Variants in TMEM132B observed in about 807,000 individuals in gnomAD.
TMEM132B encodes the protein transmembrane protein 132B.
In TMEM132B, 18 loss-of-function variants were observed where a neutral mutation model predicts 90.8. The ratio of observed to expected loss-of-function variants is 0.20; its 90% CI spans 0.14 to 0.29. TMEM132B has a LOEUF of 0.29. Ranked by LOEUF, TMEM132B falls within the 10% of genes least tolerant of loss-of-function variation. TMEM132B has a pLI of 1.00. For missense variants in TMEM132B, 1,096 were observed against 1,326.8 expected (o/e 0.83, Z 2.70); for synonymous variants, 504 against 523.3 (o/e 0.96, Z 0.50).
rs1957763708 is a variant in TMEM132B at position 125,186,951 on chromosome 12, C to T, written c.67+85C>T. ...GGGCGGCTACCTCCTTCTCAAGTCCCTGGCAGCGCGCATCTCCCGGACTTG... is the reference window on the plus strand; with the variant it reads ...GGGCGGCTACCTCCTTCTCAAGTCCTTGGCAGCGCGCATCTCCCGGACTTG... On this transcript the variant is annotated intron_variant, in intron 1 of 8. Transcript: ENST00000682704. This position sits in a 1 kb window ranked among gnomAD's most constrained non-coding sequence, Gnocchi z 6.3. 6.6e-6 allele frequency: 1 copy of T among 152,276 alleles called. No individual in the cohort carries two copies. Among genetic ancestry groups the T allele is most frequent in the African/African-American group, 2.4e-5 (1 of 41,460 alleles). The allele number at this position is 152,276 out of a possible 1,614,324, so 9.4% of individuals were successfully genotyped here.
At chr12:125,617,942 A>G (rs1886030057) in intron 5 of TMEM132B, among the ~76,000 whole-genome samples, 1 of 129,784 alleles carries the variant, frequency 7.7e-6, no homozygotes, top group Non-Finnish European at 1.6e-5. Context: ...TCCCTTTTTA[A>G]TTGCTTACTA....
chr12:125,637,452 A>G (rs1329716875), intron 5 of TMEM132B, among the ~76,000 whole-genome samples: 2 of 152,196 alleles, frequency 1.3e-5, no homozygotes, highest in African/African-American at 4.8e-5. Flanking sequence ...TCCTGAAGAC[A>G]TGTGCCCAAG....
At chr12:125,313,499 CTT>C (rs1228394983) in intron 1 of TMEM132B, among the ~76,000 whole-genome samples, 2 of 145,488 alleles carry the variant, frequency 1.4e-5, no homozygotes, top group African/African-American at 5.1e-5. Context: ...TCCTCCTTCC[CTT>C]TCTCTCTCCC....
intron 3 of TMEM132B, among the ~76,000 whole-genome samples, chr12:125,437,519 C>T (rs1371063434): frequency 6.6e-6 from 1 of 152,140 alleles, no homozygotes; most frequent in Non-Finnish European, 1.5e-5. Flanking sequence ...AACTGTTTTT[C>T]ACAGTGGCTG....
At position 125,349,446 on chromosome 12, in the gene TMEM132B, G is replaced by C; in HGVS notation, c.68-6G>C. Reference sequence around the variant, plus strand: ...TTTTATTCTTTTGCTTTCCTTTCTTGTGCAGTGACAGAGAGTCGAGGGATT... The same window carrying C: ...TTTTATTCTTTTGCTTTCCTTTCTTCTGCAGTGACAGAGAGTCGAGGGATT... On this transcript the variant is annotated splice_polypyrimidine_tract_variant and splice_region_variant and intron_variant, in intron 1 of 8. Coordinates refer to ENST00000682704, the MANE Select transcript of TMEM132B (RefSeq NM_001366854.1). The surrounding 1 kb of genome is among the most constrained non-coding windows in gnomAD (Gnocchi z 4.1). 1 of 1,597,490 alleles carries C rather than the reference G, an allele frequency of 6.3e-7. No homozygotes were observed. The highest frequency in any genetic ancestry group is 1.7e-5 in the Admixed American group (1 of 57,690).
chr12:125,480,097 A>G (rs1175551035), intron 3 of TMEM132B, among the ~76,000 whole-genome samples: 1 of 152,234 alleles, frequency 6.6e-6, no homozygotes, highest in Admixed American at 6.5e-5. Context: ...TCTCTGGGAC[A>G]CATTTAAAGC....
At chr12:125,598,280 T>C (rs1211744314) in intron 5 of TMEM132B, among the ~76,000 whole-genome samples, 1 of 152,180 alleles carries the variant, frequency 6.6e-6, no homozygotes, top group Non-Finnish European at 1.5e-5. Flanking sequence ...CTTTCACTGC[T>C]AATAAAGATT....
intron 1 of TMEM132B, among the ~76,000 whole-genome samples, chr12:125,329,675 C>A (rs1876704615): frequency 6.6e-6 from 1 of 152,170 alleles, no homozygotes; most frequent in Non-Finnish European, 1.5e-5. Context: ...TGTCCCCAAA[C>A]CACTCATTGT....
At chr12:125,326,280 C>A (rs1430129706) in intron 1 of TMEM132B, among the ~76,000 whole-genome samples, 1 of 152,186 alleles carries the variant, frequency 6.6e-6, no homozygotes, top group Non-Finnish European at 1.5e-5. Flanking sequence ...GTCCTGTCCC[C>A]GTGCCTTTGA....
intron 1 of TMEM132B, among the ~76,000 whole-genome samples, chr12:125,281,814 G>A (rs1172296589): frequency 2.0e-5 from 3 of 151,902 alleles, no homozygotes; most frequent in East Asian, 3.9e-4. Context: ...GGATCACGAG[G>A]TCAGGAGATC....
chr12:125,199,700 C>G (rs1241019268), intron 1 of TMEM132B, among the ~76,000 whole-genome samples: 2 of 152,184 alleles, frequency 1.3e-5, no homozygotes, highest in Non-Finnish European at 2.9e-5. Flanking sequence ...CTTATGGACT[C>G]TCCCTCCTTT....
chr12:125,484,344 G>A (rs911897669), intron 3 of TMEM132B, among the ~76,000 whole-genome samples: 1 of 152,126 alleles, frequency 6.6e-6, no homozygotes, highest in Admixed American at 6.5e-5. Context: ...TCCTTTAGTA[G>A]TGGCTCCTTG....
Position 125,659,318 on chromosome 12 carries a change from G to A in TMEM132B, c.*4608G>A, listed in dbSNP as rs1324943050. 4 of 152,262 alleles carry A rather than the reference G, an allele frequency of 2.6e-5. No individual in the cohort carries two copies. The East Asian group carries it at 7.7e-4, about 29-fold the overall frequency. 9.4% of individuals were successfully genotyped at this position (152,262 alleles called of 1,614,324 possible). On this transcript the variant is annotated 3_prime_UTR_variant, in exon 9 of 9. Coordinates refer to ENST00000682704, the MANE Select transcript of TMEM132B (RefSeq NM_001366854.1). ...ATGGCCCCGTCCAGGGTCAAACCAT[G>A]TTGAAAGTCAGTGCTGAAATGCATG...
At chr12:125,274,645 C>T (rs913868341) in intron 1 of TMEM132B, among the ~76,000 whole-genome samples, 6 of 152,230 alleles carry the variant, frequency 3.9e-5, no homozygotes, top group Non-Finnish European at 8.8e-5. Context: ...AAGAGGAGAA[C>T]AGGCTGCATT....
chr12:125,389,267 A>G (rs907155368), intron 2 of TMEM132B, among the ~76,000 whole-genome samples: 12 of 152,166 alleles, frequency 7.9e-5, no homozygotes, highest in African/African-American at 2.4e-4. Flanking sequence ...GCATAATGGG[A>G]CATGAAGAAT....
chr12:125,388,761 C>G (rs181902389), intron 2 of TMEM132B, among the ~76,000 whole-genome samples: 1 of 152,356 alleles, frequency 6.6e-6, no homozygotes, highest in Non-Finnish European at 1.5e-5. Flanking sequence ...TGTCTGCCAT[C>G]CCTGCTCGTC....
chr12:125,429,923 C>T (rs552606402), intron 3 of TMEM132B, among the ~76,000 whole-genome samples: 12 of 152,292 alleles, frequency 7.9e-5, no homozygotes, highest in Admixed American at 2.0e-4. Context: ...GTGCAGCCCA[C>T]GCTGAAGGGG....
Position 125,203,969 on chromosome 12 carries a change from G to T in TMEM132B, c.67+17103G>T, listed in dbSNP as rs1431585007. Among the ~76,000 whole-genome samples, 4 of 152,228 alleles carry T rather than the reference G, an allele frequency of 2.6e-5. No homozygotes were observed. The East Asian group carries it at 7.7e-4, about 29-fold the overall frequency. ...GGATTGGAATAAAAAGGGCTGAGAAGTATAGAGAACCTTAAAGGAATAACA... is the reference window on the plus strand; with the variant it reads ...GGATTGGAATAAAAAGGGCTGAGAATTATAGAGAACCTTAAAGGAATAACA... On this transcript the variant is annotated intron_variant, in intron 1 of 8. Transcript: ENST00000682704.
intron 3 of TMEM132B, among the ~76,000 whole-genome samples, chr12:125,423,121 G>A (rs1880215961): frequency 6.6e-6 from 1 of 152,156 alleles, no homozygotes; most frequent in African/African-American, 2.4e-5. Context: ...GTCTCCAGGT[G>A]ATTTTAATGT....
Sources: gnomAD v4.1 joint callset for allele counts (sites outside exome capture counted in the v4.1 genomes callset) on GRCh38, gnomAD v4.1.1 for gene constraint, Gnocchi (gnomAD v3.1) non-coding constraint, MANE v1.5 for transcripts, NCBI Gene and HGNC (gene_info 2026-07-23, HGNC 2026-07-21) for gene names.